The following PTPRD variants were observed in gnomAD, a reference collection of about 807,000 sequenced individuals.
PTPRD encodes protein tyrosine phosphatase receptor type D.
A neutral mutation model predicts 214.5 loss-of-function variants in PTPRD; 34 were observed. The observed-to-expected ratio is 0.16, with a 90% CI of 0.12 to 0.21. The LOEUF is 0.21. PTPRD is among the 10% of genes least tolerant of loss of function. The pLI is 1.00. For synonymous variants in PTPRD, 1,128 were observed against 845.7 expected, an observed-to-expected ratio of 1.33 and a Z score of -5.79; for missense variants, 2,545 against 2,398.7, an observed-to-expected ratio of 1.06 and a Z score of -1.27.
chr9:8,493,022 C>T, intron 26 of PTPRD, 43 bp from the exon 27 acceptor site: 1 of 1,507,204 alleles, frequency 6.6e-7, no homozygotes, highest in Non-Finnish European at 9.2e-7. Context: ...AAACATGCTA[C>T]TAATGCTCTG....
intron 6 of PTPRD, among the ~76,000 whole-genome samples, chr9:9,761,117 G>A (rs2098651849): frequency 6.6e-6 from 1 of 152,148 alleles, no homozygotes; most frequent in South Asian, 2.1e-4. Context: ...ATACATTAGT[G>A]TAACAGACAA....
intron 8 of PTPRD, among the ~76,000 whole-genome samples, chr9:9,528,856 T>C (rs1409704536): frequency 6.6e-6 from 1 of 151,896 alleles, no homozygotes; most frequent in Non-Finnish European, 1.5e-5. Flanking sequence ...TTTTTTCCCA[T>C]TGAAAATATA....
chr9:9,329,788 A>G (rs2041612856), intron 9 of PTPRD, among the ~76,000 whole-genome samples: 1 of 152,222 alleles, frequency 6.6e-6, no homozygotes, highest in Non-Finnish European at 1.5e-5. Context: ...TGAAAACTAA[A>G]CTTGCATTAA....
At chr9:8,918,077 A>C (rs991156497) in intron 11 of PTPRD, among the ~76,000 whole-genome samples, 1 of 152,098 alleles carries the variant, frequency 6.6e-6, no homozygotes, top group Admixed American at 6.5e-5. Context: ...ATACAGGGGA[A>C]CCTCTACCCA....
At chr9:9,539,629 T>A (rs2077184111) in intron 8 of PTPRD, among the ~76,000 whole-genome samples, 1 of 151,874 alleles carries the variant, frequency 6.6e-6, no homozygotes, top group Admixed American at 6.6e-5. Flanking sequence ...ATGTACTGCA[T>A]TTTAAAAGTG....
At chr9:8,837,567 A>G (rs1170367600) in intron 11 of PTPRD, among the ~76,000 whole-genome samples, 1 of 152,154 alleles carries the variant, frequency 6.6e-6, no homozygotes, top group East Asian at 1.9e-4. Flanking sequence ...CAGTAGCACA[A>G]TCGTGGTGAG....
At chr9:9,787,775 A>T (rs920512153) in intron 5 of PTPRD, among the ~76,000 whole-genome samples, 15 of 149,214 alleles carry the variant, frequency 1.0e-4, no homozygotes, top group South Asian at 4.2e-4. Context: ...TTTTTTATTT[A>T]TTATTATTAT....
At chr9:9,068,903 C>T (rs1304990276) in intron 10 of PTPRD, among the ~76,000 whole-genome samples, 2 of 152,106 alleles carry the variant, frequency 1.3e-5, no homozygotes, top group Admixed American at 6.6e-5. Context: ...AGGCACGGCT[C>T]TCGGCCTACA....
chr9:10,138,171 T>A (rs1467732908), intron 3 of PTPRD, among the ~76,000 whole-genome samples: 3 of 151,876 alleles, frequency 2.0e-5, no homozygotes, highest in Non-Finnish European at 4.4e-5. Flanking sequence ...AGAGATAAGA[T>A]CTAAGTAACC....
At chr9:9,219,074 A>T (rs1033922887) in intron 9 of PTPRD, among the ~76,000 whole-genome samples, 4 of 152,174 alleles carry the variant, frequency 2.6e-5, no homozygotes, top group African/African-American at 9.7e-5. Flanking sequence ...GTGTGTGCCA[A>T]TTAAAATATA....
intron 37 of PTPRD, among the ~76,000 whole-genome samples, chr9:8,386,456 T>C (rs934962345): frequency 6.6e-6 from 1 of 152,228 alleles, no homozygotes; most frequent in African/African-American, 2.4e-5. Flanking sequence ...TAGGAATGAA[T>C]ATTATTTTAA....
chr9:9,718,602 C>G (rs1251105886), intron 7 of PTPRD, among the ~76,000 whole-genome samples: 1 of 152,348 alleles, frequency 6.6e-6, no homozygotes, highest in African/African-American at 2.4e-5. Flanking sequence ...TCAGAAGTGC[C>G]TCTGCACCCA....
intron 3 of PTPRD, among the ~76,000 whole-genome samples, chr9:10,168,858 A>T (rs897247977): frequency 2.3e-4 from 35 of 152,328 alleles, no homozygotes; most frequent in African/African-American, 8.2e-4. Context: ...CGGCGCTAGC[A>T]ATTAAATCTA....
At chr9:10,380,313 C>T (rs1586738329) in intron 2 of PTPRD, among the ~76,000 whole-genome samples, 1 of 151,992 alleles carries the variant, frequency 6.6e-6, no homozygotes, top group African/African-American at 2.4e-5. Flanking sequence ...AAATCAATGA[C>T]CCATGAGAGC....
intron 7 of PTPRD, among the ~76,000 whole-genome samples, chr9:9,670,836 G>A (rs896571616): frequency 5.3e-5 from 8 of 152,172 alleles, no homozygotes. Context: ...GGAAATGCCT[G>A]GATGCCCAGG....
intron 5 of PTPRD, among the ~76,000 whole-genome samples, chr9:9,878,064 G>C (rs747040758): frequency 2.0e-5 from 3 of 149,698 alleles, no homozygotes; most frequent in Non-Finnish European, 3.0e-5. Context: ...CTCACTGATT[G>C]TTTGATCAGA....
At chr9:8,410,652 T>C (rs946173128) in intron 35 of PTPRD, among the ~76,000 whole-genome samples, 6 of 152,182 alleles carry the variant, frequency 3.9e-5, no homozygotes, top group African/African-American at 1.2e-4. Flanking sequence ...TGTATAAATA[T>C]ACCACACTCA....
chr9:9,696,139 G>A (rs1021253380), intron 7 of PTPRD, among the ~76,000 whole-genome samples: 4 of 152,034 alleles, frequency 2.6e-5, no homozygotes, highest in Admixed American at 6.6e-5. Flanking sequence ...ATGTGCCCAT[G>A]AATATATTCC....
At chr9:8,922,099 T>C (rs1356102264) in intron 11 of PTPRD, among the ~76,000 whole-genome samples, 5 of 152,232 alleles carry the variant, frequency 3.3e-5, no homozygotes, top group Non-Finnish European at 7.3e-5. Context: ...GTGTGTAGTT[T>C]ATTCTTTTAA....
Sources: allele counts gnomAD v4.1 joint callset (sites outside exome capture counted in the v4.1 genomes callset), GRCh38; gene constraint gnomAD v4.1.1; transcripts MANE v1.5; gene names NCBI Gene and HGNC (gene_info 2026-07-23, HGNC 2026-07-21).